CCND1: variants seen among roughly 807,000 people sequenced by gnomAD.
CCND1 encodes the protein G1/S-specific cyclin-D1.
In CCND1, 9 loss-of-function variants were observed where a neutral mutation model predicts 26.1. That is an observed-to-expected ratio of 0.35 (90% CI 0.21 to 0.60). The LOEUF is 0.60. Ranked by LOEUF, CCND1 falls within the 20% of genes least tolerant of loss-of-function variation. The probability of loss-of-function intolerance (pLI) is 0.79; values close to 1 mark genes in which losing one functional copy is unlikely to be tolerated. For missense variants in CCND1, 335 were observed against 392.9 expected, an observed-to-expected ratio of 0.85 and a Z score of 1.25; for synonymous variants, 194 against 166.1, an observed-to-expected ratio of 1.17 and a Z score of -1.29.
At chr11:69,646,622 AG>A (rs1378509382) in intron 3 of CCND1, among the ~76,000 whole-genome samples, 2 of 152,188 alleles carry the variant, frequency 1.3e-5, no homozygotes, top group Non-Finnish European at 2.9e-5. Context: ...CTCCCAGCCC[AG>A]GGCCCCTGGT....
intron 3 of CCND1, among the ~76,000 whole-genome samples, chr11:69,644,623 G>A (rs968607043): frequency 7.2e-5 from 11 of 152,202 alleles, no homozygotes; most frequent in African/African-American, 2.7e-4. Context: ...ACCGTGGGCA[G>A]CAGAAGCACC....
chr11:69,647,345 G>A (rs1395526965), intron 3 of CCND1, among the ~76,000 whole-genome samples: 2 of 152,136 alleles, frequency 1.3e-5, no homozygotes, highest in South Asian at 2.1e-4. Context: ...CTTCCTTCCC[G>A]AGTGAGCCAA....
intron 3 of CCND1, among the ~76,000 whole-genome samples, chr11:69,645,322 C>T (rs1855764975): frequency 1.3e-5 from 2 of 152,182 alleles, no homozygotes; most frequent in Non-Finnish European, 2.9e-5. Flanking sequence ...GAACGTGGGG[C>T]GTGGTTCTTG....
At chr11:69,648,333 A>T (rs1855811961) in intron 4 of CCND1, 191 bp downstream of exon 4, 1 of 611,006 alleles carries the variant, frequency 1.6e-6, no homozygotes, top group Admixed American at 3.0e-5. Context: ...GAACTTACTG[A>T]CTGGCTGGGA....
Position 69,654,045 on chromosome 11 carries a change from C to T in CCND1, c.*2763C>T, listed in dbSNP as rs1341960716. ...CCGAACCAAAAGAATTTGCACCCCG[C>T]TGCGGGCCCACGTGGTTGGGGCCCT... On this transcript the variant is annotated 3_prime_UTR_variant, in exon 5 of 5. Coordinates refer to ENST00000227507, the MANE Select transcript of CCND1 (RefSeq NM_053056.3). This position sits in a 1 kb window ranked among gnomAD's most constrained non-coding sequence, Gnocchi z 6.3. The T allele has an allele frequency of 5.0e-6, 3 of 603,394 alleles. No homozygotes were observed. Among genetic ancestry groups the T allele is most frequent in the Admixed American group, 2.9e-5 (1 of 34,786 alleles). The allele number at this position is 603,394 out of a possible 1,614,324, so 37.4% of individuals were successfully genotyped here.
intron 1 of CCND1, among the ~76,000 whole-genome samples, chr11:69,642,579 T>G (rs1020789041): frequency 1.3e-5 from 2 of 152,184 alleles, no homozygotes; most frequent in African/African-American, 4.8e-5. Flanking sequence ...TTTAAATATT[T>G]TTTGAAAAGA....
chr11:69,647,002 G>A (rs866037699), intron 3 of CCND1, among the ~76,000 whole-genome samples: 70 of 152,174 alleles, frequency 4.6e-4, no homozygotes, highest in African/African-American at 1.5e-3. Flanking sequence ...GGGCCCAGAT[G>A]TGCGGGACAG....
rs779516743 is a variant in CCND1 at position 69,643,192 on chromosome 11, G to A, written c.360G>A (p.Thr120=). Reference sequence around the variant, plus strand: ...AGATGAAGGAGACCATCCCCCTGACGGCCGAGAAGCTGTGCATCTACACCG... The same window carrying A: ...AGATGAAGGAGACCATCCCCCTGACAGCCGAGAAGCTGTGCATCTACACCG... ...ASKMKETIPL[T]AEKLCIYTDN... The change falls in exon 2 of 5, where the codon ACG becomes ACA. Residue 120 remains threonine, a synonymous_variant. Coordinates refer to ENST00000227507, the MANE Select transcript of CCND1 (RefSeq NM_053056.3). The A allele has an allele frequency of 5.0e-6, 8 of 1,605,832 alleles. No homozygotes were observed. The East Asian group carries it at 1.3e-4, about 27-fold the overall frequency.
intron 1 of CCND1, among the ~76,000 whole-genome samples, chr11:69,642,770 C>G (rs2120086464): frequency 6.6e-6 from 1 of 151,796 alleles, no homozygotes; most frequent in Admixed American, 6.5e-5. Flanking sequence ...CCCGCGCCGC[C>G]GCGCACGCCG....
chr11:69,650,281 C>T (rs1855837855), intron 4 of CCND1, among the ~76,000 whole-genome samples: 1 of 152,246 alleles, frequency 6.6e-6, no homozygotes, highest in Non-Finnish European at 1.5e-5. Flanking sequence ...CATCCAGAAG[C>T]CCCCGGGCAG....
Position 69,652,653 on chromosome 11 carries a change from G to A in CCND1, c.*1371G>A, listed in dbSNP as rs529583023. On this transcript the variant is annotated 3_prime_UTR_variant, in exon 5 of 5. Transcript: ENST00000227507. ...AGGGTTATCTTAGATGTTTCACACC[G>A]GAAGGTTTTTAAACACTAAAATATA... 134 of 233,188 alleles carry A rather than the reference G, an allele frequency of 5.7e-4. No individual in the cohort carries two copies. The highest frequency in any genetic ancestry group is 2.5e-3 in the Middle Eastern group (2 of 786). 14.4% of individuals were successfully genotyped at this position (233,188 alleles called of 1,614,324 possible).
At chr11:69,643,789 T>A (rs2120092822) in intron 2 of CCND1, 43 bp from the exon 3 acceptor site, 1 of 1,569,728 alleles carries the variant, frequency 6.4e-7, no homozygotes, top group Non-Finnish European at 8.7e-7. Flanking sequence ...GCCCCCGGGC[T>A]GGCCCGCACC....
chr11:69,646,587 C>T (rs1283345980), intron 3 of CCND1, among the ~76,000 whole-genome samples: 1 of 152,164 alleles, frequency 6.6e-6, no homozygotes, highest in Non-Finnish European at 1.5e-5. Flanking sequence ...ACAAAGATGC[C>T]ACACTCATCC....
At position 69,654,217 on chromosome 11, in the gene CCND1, G is replaced by A; in HGVS notation, c.*2935G>A. 2.9e-6 allele frequency: 2 copies of A among 691,760 alleles called. No individual in the cohort carries two copies. The highest frequency in any genetic ancestry group is 5.3e-6 in the Non-Finnish European group (2 of 378,356). 42.9% of individuals were successfully genotyped at this position (691,760 alleles called of 1,614,324 possible). A position where few individuals can be genotyped will look rare whatever the true frequency, so the allele number is the denominator to read the frequency against. On this transcript the variant is annotated 3_prime_UTR_variant, in exon 5 of 5. Transcript: ENST00000227507. This position sits in a 1 kb window ranked among gnomAD's most constrained non-coding sequence, Gnocchi z 6.3. Reference sequence around the variant, plus strand: ...ACGCGGGGGCCTTGAGGGACGCTTTGTCTGTCGTGATGGGGCAAGGGCACA... The same window carrying A: ...ACGCGGGGGCCTTGAGGGACGCTTTATCTGTCGTGATGGGGCAAGGGCACA...
In CCND1 at chr11:69,641,474, C is replaced by T. The variant is rs760341225; in HGVS notation, c.161C>T (p.Pro54Leu). The change falls in exon 1 of 5, where the codon CCG (proline) becomes CTG (leucine). Residue 54 changes from proline (P) to leucine (L), a missense_variant. Coordinates refer to ENST00000227507, the MANE Select transcript of CCND1 (RefSeq NM_053056.3). ...YFKCVQKEVLPSMRKIVATWM... is the reference protein window; with the variant it reads ...YFKCVQKEVLLSMRKIVATWM... Reference sequence around the variant, plus strand: ...AAATGTGTGCAGAAGGAGGTCCTGCCGTCCATGCGGAAGATCGTCGCCACC... The same window carrying T: ...AAATGTGTGCAGAAGGAGGTCCTGCTGTCCATGCGGAAGATCGTCGCCACC... The T allele has an allele frequency of 6.2e-7, 1 of 1,613,316 alleles. No homozygotes were observed. Among genetic ancestry groups the T allele is most frequent in the South Asian group, 1.1e-5 (1 of 91,070 alleles).
At chr11:69,648,272 C>A in intron 4 of CCND1, 130 bp downstream of exon 4, 1 of 1,006,776 alleles carries the variant, frequency 9.9e-7, no homozygotes, top group Non-Finnish European at 1.4e-6. Flanking sequence ...CTGGGCCCCT[C>A]GGACCCCAGG....
intron 3 of CCND1, among the ~76,000 whole-genome samples, chr11:69,646,148 C>A (rs980131924): frequency 6.6e-6 from 1 of 152,176 alleles, no homozygotes; most frequent in Non-Finnish European, 1.5e-5. Flanking sequence ...GCACAAGGTG[C>A]GGAGCCAGCT....
chr11:69,651,266 G>T lies in CCND1; in HGVS notation c.872G>T (p.Arg291Leu), dbSNP rs775768459. The stretch of plus-strand genomic sequence containing the variant: ...CTGGCTTGCACACCCACCGACGTGC[G>T]GGACGTGGACATCTGAGGGCGCCAG... ...VDLACTPTDV[R>L]DVDI The change falls in exon 5 of 5, where the codon CGG (arginine) becomes CTG (leucine). Residue 291 changes from arginine to leucine, a missense_variant. By Grantham distance (102) the Arg-to-Leu change is moderately radical (BLOSUM62 -2). Transcript: ENST00000227507. 5 of 1,548,748 alleles carry T rather than the reference G, an allele frequency of 3.2e-6. No individual in the cohort carries two copies. Among genetic ancestry groups the T allele is most frequent in the Admixed American group, 3.7e-5 (2 of 53,486 alleles).
At chr11:69,648,231 G>A (rs2120111148) in intron 4 of CCND1, 89 bp downstream of exon 4, 1 of 1,497,632 alleles carries the variant, frequency 6.7e-7, no homozygotes, top group Non-Finnish European at 9.2e-7. Context: ...TGGTGCCAAG[G>A]CCCCCAAGGG....
Sources: gnomAD v4.1 joint callset for allele counts (sites outside exome capture counted in the v4.1 genomes callset) on GRCh38, gnomAD v4.1.1 for gene constraint, Gnocchi (gnomAD v3.1) non-coding constraint, MANE v1.5 for transcripts, NCBI Gene and HGNC (gene_info 2026-07-23, HGNC 2026-07-21) for gene names.